Variants in PDE1C observed in about 807,000 individuals in gnomAD.
The protein encoded by PDE1C is phosphodiesterase 1C.
In PDE1C, 62 loss-of-function variants were observed where a neutral mutation model predicts 93.1. The observed-to-expected ratio is 0.67, with a 90% CI of 0.54 to 0.82. The LOEUF (loss-of-function observed/expected upper bound fraction) is 0.82. Ranked by LOEUF, PDE1C falls within the 40% of genes least tolerant of loss-of-function variation. The pLI is 0.00. For synonymous variants in PDE1C, 325 were observed against 310.1 expected (o/e 1.05, Z -0.50); for missense variants, 742 against 884.6 (o/e 0.84, Z 2.04).
chr7:32,288,236 C>T (rs1470055282), intron 1 of PDE1C, among the ~76,000 whole-genome samples: 1 of 152,206 alleles, frequency 6.6e-6, no homozygotes, highest in African/African-American at 2.4e-5. Context: ...AGTTTCTCCA[C>T]CTGTAAAATG....
chr7:31,658,335 A>G, the PDE1C span: 1 of 1,524,266 alleles, frequency 6.6e-7, no homozygotes, highest in Non-Finnish European at 8.7e-7. Flanking sequence ...ACTCTGCTAA[A>G]GATGAAAAAA....
intron 9 of PDE1C, among the ~76,000 whole-genome samples, chr7:31,840,126 T>A (rs935652737): frequency 3.3e-5 from 5 of 152,300 alleles, no homozygotes; most frequent in African/African-American, 1.2e-4. Context: ...ATTTTCAGTT[T>A]TTCTTTGCCT....
chr7:32,268,169 T>C (rs914925413), intron 1 of PDE1C, among the ~76,000 whole-genome samples: 6 of 152,216 alleles, frequency 3.9e-5, no homozygotes, highest in Non-Finnish European at 7.3e-5. Context: ...ATGTCAGGAA[T>C]TGAAGTTCAG....
At chr7:32,152,492 C>A (rs1801319614) in intron 3 of PDE1C, among the ~76,000 whole-genome samples, 1 of 152,158 alleles carries the variant, frequency 6.6e-6, no homozygotes. Context: ...GACAAATGAT[C>A]CCAGTTGCAT....
chr7:32,269,616 A>G (rs1810833298), intron 1 of PDE1C, among the ~76,000 whole-genome samples: 1 of 152,020 alleles, frequency 6.6e-6, no homozygotes, highest in African/African-American at 2.4e-5. Context: ...AGTAGCTGGG[A>G]CTACAGGCAC....
At chr7:32,201,779 A>C (rs1039346073) in intron 2 of PDE1C, among the ~76,000 whole-genome samples, 5 of 152,206 alleles carry the variant, frequency 3.3e-5, no homozygotes, top group Admixed American at 3.3e-4. Flanking sequence ...GGACTGTTGA[A>C]AATCAAACTG....
intron 3 of PDE1C, among the ~76,000 whole-genome samples, chr7:32,080,552 C>T (rs1475607821): frequency 6.6e-6 from 1 of 152,164 alleles, no homozygotes; most frequent in African/African-American, 2.4e-5. Flanking sequence ...GGTTAATTTT[C>T]AATTATCTGA....
rs58539780 is a variant in PDE1C at position 31,835,525 on chromosome 7, GGTGTGTGTGT to G, written c.1203+1645_1203+1654del. On this transcript the variant is annotated intron_variant, in intron 11 of 17. Transcript: ENST00000396191. The stretch of plus-strand genomic sequence containing the variant: ...ACATATAATAGCTGGGGGGTGCTGC[GGTGTGTGTGT>G]GTGTGTGTGTGTGTGTGTGTGCGTG... Among the ~76,000 whole-genome samples, 4 of 146,958 alleles carry G rather than the reference GGTGTGTGTGT, an allele frequency of 2.7e-5. 1 individual carries two copies. The highest frequency in any genetic ancestry group is 2.0e-4 in the Admixed American group (3 of 14,668).
rs1554313993 is a variant in PDE1C at position 32,374,250 on chromosome 7, G to GGAAAGGAAGAAAGGAA, written c.310+53571_310+53572insTTCCTTTCTTCCTTTC. 8.6e-5 allele frequency among the ~76,000 whole-genome samples: 5 copies of GGAAAGGAAGAAAGGAA among 57,894 alleles called. No individual in the cohort carries two copies. In the East Asian group the frequency reaches 3.1e-3, roughly 36 times the overall value. The allele number at this position is 57,894 out of a possible 152,430, so 38.0% of individuals were successfully genotyped here. A position where few individuals can be genotyped will look rare whatever the true frequency, so the allele number is the denominator to read the frequency against. ...AAAGAAAAAGAAAGAAGGAAGGAAA[G>GGAAAGGAAGAAAGGAA]GAAAGGAAGAAAGAAAGAAAGAAAG... On this transcript the variant is annotated intron_variant, in intron 1 of 1. Coordinates refer to the PDE1C transcript ENST00000672256.
intron 2 of PDE1C, among the ~76,000 whole-genome samples, chr7:31,999,027 G>T (rs147893678): frequency 2.1e-4 from 32 of 152,288 alleles, no homozygotes; most frequent in African/African-American, 7.5e-4. Context: ...CAGAAGAACT[G>T]ATATACTTGG....
At chr7:31,865,904 T>C (rs533923433) in intron 6 of PDE1C, among the ~76,000 whole-genome samples, 2 of 152,254 alleles carry the variant, frequency 1.3e-5, no homozygotes, top group Non-Finnish European at 2.9e-5. Context: ...TGCTGCATAG[T>C]ATGTATTCAT....
chr7:32,024,044 C>T (rs1789075307), intron 2 of PDE1C, among the ~76,000 whole-genome samples: 1 of 152,074 alleles, frequency 6.6e-6, no homozygotes, highest in Admixed American at 6.6e-5. Flanking sequence ...TTGTGAGCCT[C>T]TATGCATCTA....
chr7:32,037,579 T>A (rs1356100173), intron 2 of PDE1C, among the ~76,000 whole-genome samples: 4 of 152,196 alleles, frequency 2.6e-5, no homozygotes, highest in Non-Finnish European at 1.5e-5. Flanking sequence ...TCAGGTGTCA[T>A]CTACAGAAAG....
chr7:32,046,346 C>T (rs1183420113), intron 2 of PDE1C, among the ~76,000 whole-genome samples: 9 of 152,042 alleles, frequency 5.9e-5, no homozygotes, highest in African/African-American at 1.9e-4. Context: ...TCAAGCACCA[C>T]GAATAATAAA....
At chr7:31,741,837 G>C in the PDE1C span, among the ~76,000 whole-genome samples, 1 of 152,204 alleles carries the variant, frequency 6.6e-6, no homozygotes, top group Non-Finnish European at 1.5e-5. Flanking sequence ...AGAAGATACT[G>C]GGGAGGGAGG....
intron 2 of PDE1C, among the ~76,000 whole-genome samples, chr7:32,042,996 C>T (rs952356267): frequency 2.0e-5 from 3 of 152,164 alleles, no homozygotes; most frequent in Admixed American, 6.5e-5. Context: ...AACACAAACA[C>T]GATTCTTAAT....
At chr7:32,001,627 T>C (rs532916109) in intron 2 of PDE1C, among the ~76,000 whole-genome samples, 34 of 152,106 alleles carry the variant, frequency 2.2e-4, no homozygotes, top group Non-Finnish European at 4.3e-4. Context: ...GACCCCATCA[T>C]TGAGGGAGTA....
the PDE1C span, chr7:31,707,299 G>C: frequency 6.2e-7 from 1 of 1,605,046 alleles, no homozygotes; most frequent in Non-Finnish European, 8.5e-7. Context: ...GTTCCCCTGA[G>C]ACCACTTGTA....
At chr7:31,622,453 T>A in the PDE1C span, among the ~76,000 whole-genome samples, 7 of 151,000 alleles carry the variant, frequency 4.6e-5, no homozygotes, top group Admixed American at 4.6e-4. Context: ...ATTAAGAAAC[T>A]CACTCAAAAC....
Sources: allele counts gnomAD v4.1 joint callset (sites outside exome capture counted in the v4.1 genomes callset), GRCh38; gene constraint gnomAD v4.1.1; transcripts MANE v1.5; gene names NCBI Gene and HGNC (gene_info 2026-07-23, HGNC 2026-07-21).